The following PCDHGA5 variants were observed in gnomAD, a reference collection of about 807,000 sequenced individuals.
PCDHGA5 encodes the protein protocadherin gamma subfamily A, 5.
Under a neutral mutation model 56.7 loss-of-function variants are expected in PCDHGA5, and 36 were observed. The ratio of observed to expected loss-of-function variants is 0.64; its 90% CI spans 0.49 to 0.84. The LOEUF is 0.84. Among genes scored for constraint, PCDHGA5 ranks in the 40% least tolerant of loss-of-function variants. The pLI is 0.00. For missense variants in PCDHGA5, 1,305 were observed against 1,201.5 expected, an observed-to-expected ratio of 1.09 and a Z score of -1.27; for synonymous variants, 563 against 520.2, an observed-to-expected ratio of 1.08 and a Z score of -1.12.
intron 1 of PCDHGA5, chr5:141,387,672 C>T (rs1222648666): frequency 5.7e-6 from 4 of 707,372 alleles, no homozygotes; most frequent in Non-Finnish European, 9.1e-6. Flanking sequence ...CTCCAGATCT[C>T]CTCGCGCAGC....
chr5:141,404,214 C>T lies in PCDHGA5; in HGVS notation c.2421+37463C>T, dbSNP rs1169013129. On this transcript the variant is annotated intron_variant, in intron 1 of 3. Coordinates refer to ENST00000518069, the MANE Select transcript of PCDHGA5 (RefSeq NM_018918.3). ...GAAAAAGCCTCAGAATATAATATCA[C>T]GGTGACTGCAACAGACAGAGGAACT... 11 of 1,613,562 alleles carry T rather than the reference C, an allele frequency of 6.8e-6. No individual in the cohort carries two copies. In the Admixed American group the frequency reaches 1.3e-4, roughly 20 times the overall value.
intron 3 of PCDHGA5, among the ~76,000 whole-genome samples, chr5:141,507,714 C>T (rs1425955843): frequency 6.6e-6 from 1 of 152,280 alleles, no homozygotes; most frequent in Non-Finnish European, 1.5e-5. Flanking sequence ...GCCCCAAACC[C>T]TCCAAGCAAG....
rs771341809 is a variant in PCDHGA5 at position 141,404,607 on chromosome 5, T to C, written c.2421+37856T>C. 5 of 1,613,938 alleles carry C rather than the reference T, an allele frequency of 3.1e-6. No homozygotes were observed. The African/African-American group carries it at 6.7e-5, about 22-fold the overall frequency. ...AGCAATGTGTCATTGAGACTGTTTG[T>C]TTTGGACCAGAATGACAATGCCCCA... On this transcript the variant is annotated intron_variant, in intron 1 of 3. Coordinates refer to ENST00000518069, the MANE Select transcript of PCDHGA5 (RefSeq NM_018918.3).
chr5:141,399,396 G>A (rs2093799031), intron 1 of PCDHGA5: 1 of 1,613,842 alleles, frequency 6.2e-7, no homozygotes, highest in African/African-American at 1.3e-5. Flanking sequence ...CCACAGACAG[G>A]GGCAAGCCGC....
At chr5:141,444,119 T>G (rs1236466434) in intron 1 of PCDHGA5, among the ~76,000 whole-genome samples, 4 of 146,736 alleles carry the variant, frequency 2.7e-5, no homozygotes, top group African/African-American at 1.0e-4. Context: ...AAGTGAAGTA[T>G]CTCAACAGAT....
intron 1 of PCDHGA5, chr5:141,418,673 G>A (rs2096279740): frequency 5.0e-6 from 8 of 1,614,026 alleles, no homozygotes; most frequent in Non-Finnish European, 6.8e-6. Context: ...CCAGGACGAG[G>A]GCATCAACTC....
chr5:141,488,714 A>G (rs2099678684), intron 1 of PCDHGA5, among the ~76,000 whole-genome samples: 1 of 152,192 alleles, frequency 6.6e-6, no homozygotes, highest in Non-Finnish European at 1.5e-5. Flanking sequence ...TGGTTCAAGC[A>G]AAGTGGTGGA....
chr5:141,399,320 A>G, intron 1 of PCDHGA5: 3 of 1,614,010 alleles, frequency 1.9e-6, no homozygotes, highest in Non-Finnish European at 2.5e-6. Context: ...AAAAATTCGT[A>G]TAAGTTGGTA....
intron 1 of PCDHGA5, chr5:141,423,883 A>T (rs1211746978): frequency 1.6e-6 from 2 of 1,283,342 alleles, no homozygotes; most frequent in Admixed American, 7.5e-5. Context: ...CAATCTTGGC[A>T]TATTTTCTTT....
At chr5:141,379,868 T>C (rs1775901267) in intron 1 of PCDHGA5, among the ~76,000 whole-genome samples, 1 of 149,208 alleles carries the variant, frequency 6.7e-6, no homozygotes, top group African/African-American at 2.5e-5. Flanking sequence ...CTTATTCTTA[T>C]TTTATGGTCT....
At chr5:141,479,090 T>G (rs1424205731) in intron 1 of PCDHGA5, among the ~76,000 whole-genome samples, 2 of 152,244 alleles carry the variant, frequency 1.3e-5, no homozygotes, top group Non-Finnish European at 2.9e-5. Flanking sequence ...CCAGGCATCC[T>G]TTAAATTTTA....
chr5:141,446,532 A>G (rs1443843436), intron 1 of PCDHGA5, among the ~76,000 whole-genome samples: 1 of 151,788 alleles, frequency 6.6e-6, no homozygotes, highest in Non-Finnish European at 1.5e-5. Flanking sequence ...GCTGGAGTGC[A>G]GTGGCCCTAT....
At chr5:141,392,818 C>A in intron 1 of PCDHGA5, 1 of 1,589,060 alleles carries the variant, frequency 6.3e-7, no homozygotes, top group Non-Finnish European at 8.6e-7. Flanking sequence ...ACAACAATGG[C>A]CGCTCCACAG....
At position 141,364,874 on chromosome 5, in the gene PCDHGA5, G is replaced by A. The variant is rs368317740; in HGVS notation, c.544G>A (p.Val182Met). The A allele has an allele frequency of 6.2e-6, 10 of 1,613,884 alleles. No homozygotes were observed. The highest frequency in any genetic ancestry group is 8.5e-6 in the Non-Finnish European group (10 of 1,179,914). Residue 182 changes from valine (V) to methionine (M), a missense_variant, in exon 1 of 4, where the codon GTG (valine) becomes ATG (methionine). Transcript: ENST00000518069. ...CTCCAATCTGCACTTCTCTCTGGAT[G>A]TGGTAAGCGGAACTGATGGACAAAA... ...LSSNLHFSLDVVSGTDGQKYP... is the reference protein window; with the variant it reads ...LSSNLHFSLDMVSGTDGQKYP...
At chr5:141,394,101 C>A (rs753056702) in intron 1 of PCDHGA5, 7 of 1,613,944 alleles carry the variant, frequency 4.3e-6, no homozygotes, top group Middle Eastern at 1.6e-4. Flanking sequence ...TCTAGGAACA[C>A]CACCTCTGTC....
chr5:141,437,715 C>T (rs2097903335), intron 1 of PCDHGA5, among the ~76,000 whole-genome samples: 1 of 151,772 alleles, frequency 6.6e-6, no homozygotes, highest in Non-Finnish European at 1.5e-5. Context: ...ACACAGTTAC[C>T]CTCTAATGTT....
In PCDHGA5 at chr5:141,491,721, C is replaced by T. The variant is rs761584159; in HGVS notation, c.2422-3086C>T. On this transcript the variant is annotated intron_variant, in intron 1 of 3. Transcript: ENST00000518069. The surrounding 1 kb of genome is among the most constrained non-coding windows in gnomAD (Gnocchi z 6.9). The stretch of plus-strand genomic sequence containing the variant: ...GCCAGGTGAGGGGCTCGGCGCCGCC[C>T]CGGGCGACCCCTGGGGGCGGCACTG... 3 of 1,607,250 alleles carry T rather than the reference C, an allele frequency of 1.9e-6. No homozygotes were observed. Among genetic ancestry groups the T allele is most frequent in the Admixed American group, 1.7e-5 (1 of 58,860 alleles).
chr5:141,371,629 G>A (rs749054700), intron 1 of PCDHGA5: 6 of 1,613,866 alleles, frequency 3.7e-6, no homozygotes, highest in South Asian at 1.1e-5. Context: ...GCCCTGGACC[G>A]GGAGCAGATC....
intron 1 of PCDHGA5, among the ~76,000 whole-genome samples, chr5:141,450,616 A>G (rs2098687684): frequency 6.6e-6 from 1 of 151,486 alleles, no homozygotes; most frequent in African/African-American, 2.4e-5. Flanking sequence ...CCTCCTGAGT[A>G]GCTGGGATTA....
Sources: gnomAD v4.1 joint callset for allele counts (sites outside exome capture counted in the v4.1 genomes callset) on GRCh38, gnomAD v4.1.1 for gene constraint, Gnocchi (gnomAD v3.1) non-coding constraint, MANE v1.5 for transcripts, NCBI Gene and HGNC (gene_info 2026-07-23, HGNC 2026-07-21) for gene names.